The following SLC12A3 variants were observed in gnomAD, a reference collection of about 807,000 sequenced individuals.
SLC12A3 encodes Na-Cl cotransporter.
Under a neutral mutation model 121.0 loss-of-function variants are expected in SLC12A3, and 104 were observed. That is an observed-to-expected ratio of 0.86 (90% CI 0.73 to 1.01). The LOEUF (loss-of-function observed/expected upper bound fraction) is 1.01. Among genes scored for constraint, SLC12A3 ranks in the 50% least tolerant of loss-of-function variants. The pLI is 0.00. For missense variants in SLC12A3, 1,328 were observed against 1,356.3 expected, an observed-to-expected ratio of 0.98 and a Z score of 0.33; for synonymous variants, 536 against 533.4, an observed-to-expected ratio of 1.00 and a Z score of -0.07.
intron 25 of SLC12A3, among the ~76,000 whole-genome samples, chr16:56,909,976 G>A (rs1363891392): frequency 1.3e-5 from 2 of 152,162 alleles, no homozygotes; most frequent in African/African-American, 4.8e-5. Context: ...CAGCACAGCT[G>A]ATAAACCAGC....
At position 56,890,929 on chromosome 16, in the gene SLC12A3, A is replaced by C. The variant is rs114318866; in HGVS notation, c.2368+573A>C. ...AAAAAAAAAAAAAAGATGTAATAGA[A>C]AACCAGGAAAGAGGGGAGAGGAAAA... On this transcript the variant is annotated intron_variant, in intron 19 of 25. Transcript: ENST00000563236. 5.6e-3 allele frequency among the ~76,000 whole-genome samples: 855 copies of C among 151,988 alleles called. 10 individuals carry two copies. Among genetic ancestry groups the C allele is most frequent in the African/African-American group, 0.019 (798 of 41,444 alleles).
In SLC12A3 at chr16:56,887,079, C is replaced by G. The variant is rs747356744; in HGVS notation, c.2164C>G (p.Gln722Glu). 3 of 1,613,978 alleles carry G rather than the reference C, an allele frequency of 1.9e-6. No individual in the cohort carries two copies. The highest frequency in any genetic ancestry group is 2.5e-6 in the Non-Finnish European group (3 of 1,180,028). The change falls in exon 17 of 26, where the codon CAG (glutamine) becomes GAG (glutamate). Residue 722 changes from glutamine (Q) to glutamate (E), a missense_variant. Physicochemically the swap from Gln to Glu is conservative, Grantham distance 29. Transcript: ENST00000563236. Reference protein sequence around the residue: ...VIAEDLRRGVQILMQAAGLGR... With the variant: ...VIAEDLRRGVEILMQAAGLGR... ...TGCCGAGGACCTCCGCAGAGGCGTC[C>G]AGATCCTCATGCAGGTGCCATGGAC...
In SLC12A3 at chr16:56,894,617, A is replaced by G; in HGVS notation, c.2608A>G (p.Asn870Asp). Residue 870 changes from asparagine (N) to aspartate (D), a missense_variant, in exon 22 of 26, where the codon AAC becomes GAC. Transcript: ENST00000563236. ...KIRVFVGGQI[N>D]RMDQERKAII... is the part of the protein sequence containing the mutation. ...CCGTGTGTTCGTAGGCGGCCAGATT[A>G]ACAGGATGGACCAGGAGAGAAAGGC... The G allele has an allele frequency of 6.2e-7, 1 of 1,614,068 alleles. No individual in the cohort carries two copies. The highest frequency in any genetic ancestry group is 8.5e-7 in the Non-Finnish European group (1 of 1,179,974).
intron 8 of SLC12A3, among the ~76,000 whole-genome samples, chr16:56,875,510 C>T (rs2055154366): frequency 6.6e-6 from 1 of 152,116 alleles, no homozygotes; most frequent in Non-Finnish European, 1.5e-5. Flanking sequence ...ACACAGGTGG[C>T]AGAGGAGCCG....
At chr16:56,879,775 A>G (rs1014258778) in intron 11 of SLC12A3, 126 bp downstream of exon 11, 15 of 735,074 alleles carry the variant, frequency 2.0e-5, no homozygotes, top group Non-Finnish European at 3.3e-5. Flanking sequence ...GTCTCTAGCC[A>G]GAAGGGAAAA....
chr16:56,913,277 G>A lies in SLC12A3; in HGVS notation c.2938G>A (p.Gly980Arg), dbSNP rs34803727. The change falls in exon 26 of 26, where the codon GGG becomes AGG. Residue 980 changes from glycine to arginine, a missense_variant. Coordinates refer to ENST00000563236, the MANE Select transcript of SLC12A3 (RefSeq NM_001126108.2). Reference protein sequence around the residue: ...AALIVITLPIGRKGKCPSSLY... With the variant: ...AALIVITLPIRRKGKCPSSLY... ...CATGCCTTGCAGCACTTTGCCCATA[G>A]GGAGGAAGGGGAAGTGCCCCAGCTC... 239 of 1,614,068 alleles carry A rather than the reference G, an allele frequency of 1.5e-4. No homozygotes were observed. The highest frequency in any genetic ancestry group is 2.0e-4 in the Non-Finnish European group (231 of 1,180,038).
chr16:56,896,965 GC>G (rs1186758254), intron 22 of SLC12A3, among the ~76,000 whole-genome samples: 1 of 151,976 alleles, frequency 6.6e-6, no homozygotes, highest in Non-Finnish European at 1.5e-5. Context: ...GGTAGCATGT[GC>G]CTGCAGTCCC....
At chr16:56,887,769 A>C (rs1409817675) in intron 17 of SLC12A3, among the ~76,000 whole-genome samples, 156 bp from the exon 18 acceptor site, 1 of 81,102 alleles carries the variant, frequency 1.2e-5, no homozygotes, top group African/African-American at 7.5e-5. Flanking sequence ...AAAATTTTTA[A>C]GATTATATAT....
At chr16:56,908,161 C>CTTTTTTTTTTTTTTTTT (rs55644914) in intron 25 of SLC12A3, among the ~76,000 whole-genome samples, 9 of 96,994 alleles carry the variant, frequency 9.3e-5, no homozygotes, top group African/African-American at 2.3e-4. Flanking sequence ...AGTGATATAA[C>CTTTTTTTTTTTTTTTTT]TTTTTTTTTT....
At chr16:56,910,258 CTTTG>C (rs1231893649) in intron 25 of SLC12A3, among the ~76,000 whole-genome samples, 2 of 150,516 alleles carry the variant, frequency 1.3e-5, no homozygotes, top group African/African-American at 4.9e-5. Flanking sequence ...ACGGCAACCT[CTTTG>C]TTTTTTTTTG....
rs760801549 is a variant in SLC12A3 at position 56,872,394 on chromosome 16, A to G, written c.896A>G (p.Asn299Ser). The G allele has an allele frequency of 1.9e-6, 3 of 1,614,096 alleles. No homozygotes were observed. Among genetic ancestry groups the G allele is most frequent in the South Asian group, 2.2e-5 (2 of 91,082 alleles). The stretch of plus-strand genomic sequence containing the variant: ...CTTGTCATCATGGTCTCCTTTGCCA[A>G]CTATTTAGTGGGGACGCTGATCCCC... ...FFLVIMVSFA[N>S]YLVGTLIPPS... is the part of the protein sequence containing the mutation. Residue 299 changes from asparagine (N) to serine (S), a missense_variant, in exon 7 of 26, where the codon AAC becomes AGC. Asn to Ser is a conservative substitution (Grantham distance 46, BLOSUM62 1). Transcript: ENST00000563236.
intron 22 of SLC12A3, among the ~76,000 whole-genome samples, chr16:56,895,314 CCCTA>C (rs2055447831): frequency 6.7e-6 from 1 of 149,892 alleles, no homozygotes; most frequent in Non-Finnish European, 1.5e-5. Context: ...GCCTCAGCCT[CCCTA>C]GTAACCAGGA....
chr16:56,899,946 C>T (rs1165941061), intron 23 of SLC12A3, among the ~76,000 whole-genome samples: 1 of 152,178 alleles, frequency 6.6e-6, no homozygotes, highest in Non-Finnish European at 1.5e-5. Flanking sequence ...TTAAGCAAAC[C>T]CCTGTGTGAA....
chr16:56,896,102 C>T (rs1299809853), intron 22 of SLC12A3, among the ~76,000 whole-genome samples: 1 of 152,192 alleles, frequency 6.6e-6, no homozygotes, highest in African/African-American at 2.4e-5. Flanking sequence ...GGGTCAGGGG[C>T]CCCTGCTTTA....
At chr16:56,887,177 C>T (rs1325098871) in intron 17 of SLC12A3, 84 bp downstream of exon 17, 1 of 1,574,200 alleles carries the variant, frequency 6.4e-7, no homozygotes. Context: ...GGCCCCTTTG[C>T]TTAAGCCCCT....
intron 18 of SLC12A3, among the ~76,000 whole-genome samples, chr16:56,888,942 G>A (rs996316692): frequency 6.6e-6 from 1 of 152,168 alleles, no homozygotes; most frequent in African/African-American, 2.4e-5. Flanking sequence ...TCCAGAAGGT[G>A]CACAGGGAAC....
intron 21 of SLC12A3, among the ~76,000 whole-genome samples, chr16:56,893,632 A>G (rs1374401697): frequency 6.6e-6 from 1 of 152,186 alleles, no homozygotes; most frequent in African/African-American, 2.4e-5. Flanking sequence ...TTACAAGGTG[A>G]TATGTGACAG....
intron 21 of SLC12A3, among the ~76,000 whole-genome samples, chr16:56,893,959 TTTTTATTTTTA>T (rs1175404087): frequency 7.0e-6 from 1 of 142,158 alleles, no homozygotes. Context: ...TGTATTTTTA[TTTTTATTTTTA>T]TTTTATTTAT....
At chr16:56,909,403 C>T (rs921092970) in intron 25 of SLC12A3, among the ~76,000 whole-genome samples, 5 of 151,986 alleles carry the variant, frequency 3.3e-5, no homozygotes, top group Non-Finnish European at 7.4e-5. Flanking sequence ...GTTGGAATCT[C>T]TCCCTTCCCA....
Sources: allele counts gnomAD v4.1 joint callset (sites outside exome capture counted in the v4.1 genomes callset), GRCh38; gene constraint gnomAD v4.1.1; transcripts MANE v1.5; gene names NCBI Gene and HGNC (gene_info 2026-07-23, HGNC 2026-07-21).